ATRNL1: variants seen among roughly 807,000 people sequenced by gnomAD.
The protein encoded by ATRNL1 is attractin like 1, also known as attractin-like protein 1.
In ATRNL1, 95 loss-of-function variants were observed where a neutral mutation model predicts 182.7. The observed-to-expected ratio is 0.52, with a 90% CI of 0.44 to 0.62. The LOEUF (loss-of-function observed/expected upper bound fraction) is 0.62, where lower values mean the gene tolerates loss of function less well. ATRNL1 is among the 20% of genes least tolerant of loss of function. The probability of loss-of-function intolerance (pLI) is 0.00; values close to 1 mark genes in which losing one functional copy is unlikely to be tolerated. For synonymous variants in ATRNL1, 576 were observed against 568.3 expected, an observed-to-expected ratio of 1.01 and a Z score of -0.19; for missense variants, 1,471 against 1,679.5, an observed-to-expected ratio of 0.88 and a Z score of 2.17.
intron 26 of ATRNL1, among the ~76,000 whole-genome samples, chr10:115,621,272 T>TAGAGAGAGAGAGAG (rs1167604359): frequency 4.1e-5 from 2 of 48,452 alleles, no homozygotes; most frequent in Non-Finnish European, 4.7e-5. Flanking sequence ...TATATATATA[T>TAGAGAGAGAGAGAG]ATATAGAGAG....
intron 27 of ATRNL1, among the ~76,000 whole-genome samples, chr10:115,775,692 C>T (rs985086218): frequency 1.3e-5 from 2 of 152,094 alleles, no homozygotes; most frequent in Non-Finnish European, 2.9e-5. Context: ...CACGATGGCT[C>T]ATGCCTGTAA....
chr10:115,326,688 A>G (rs1854904979), intron 18 of ATRNL1, among the ~76,000 whole-genome samples: 1 of 151,950 alleles, frequency 6.6e-6, no homozygotes, highest in African/African-American at 2.4e-5. Flanking sequence ...AAACTATACT[A>G]CAAGGCTACA....
intron 26 of ATRNL1, among the ~76,000 whole-genome samples, chr10:115,625,102 C>G (rs1555024266): frequency 6.6e-6 from 1 of 152,030 alleles, no homozygotes; most frequent in Non-Finnish European, 1.5e-5. Flanking sequence ...TCCCTAAAAG[C>G]CAAATAAGAT....
intron 26 of ATRNL1, among the ~76,000 whole-genome samples, chr10:115,673,731 G>T (rs1945772915): frequency 6.6e-6 from 1 of 151,980 alleles, no homozygotes; most frequent in African/African-American, 2.4e-5. Flanking sequence ...ATGTGACTTT[G>T]CTCCTTCCCC....
At chr10:115,448,272 C>T (rs1165406653) in intron 21 of ATRNL1, among the ~76,000 whole-genome samples, 2 of 152,080 alleles carry the variant, frequency 1.3e-5, no homozygotes, top group South Asian at 2.1e-4. Flanking sequence ...ACCCTAAACT[C>T]GAATATCAAC....
intron 28 of ATRNL1, among the ~76,000 whole-genome samples, chr10:115,887,200 T>G (rs1951966825): frequency 6.6e-6 from 1 of 152,186 alleles, no homozygotes; most frequent in South Asian, 2.1e-4. Flanking sequence ...GAACTAGACC[T>G]GGAGGTCGAC....
At chr10:115,910,623 G>A (rs1295317354) in intron 28 of ATRNL1, among the ~76,000 whole-genome samples, 2 of 151,940 alleles carry the variant, frequency 1.3e-5, no homozygotes, top group Non-Finnish European at 2.9e-5. Context: ...GCACTATACA[G>A]GATATATATG....
chr10:115,307,551 T>A (rs1364007278), intron 17 of ATRNL1, among the ~76,000 whole-genome samples: 15 of 152,132 alleles, frequency 9.9e-5, no homozygotes, highest in Non-Finnish European at 5.9e-5. Flanking sequence ...TGTGAGCTAC[T>A]GCGCCCGGCC....
chr10:115,216,395 C>T (rs528049602), intron 9 of ATRNL1, among the ~76,000 whole-genome samples: 1 of 152,224 alleles, frequency 6.6e-6, no homozygotes, highest in East Asian at 1.9e-4. Flanking sequence ...TGTCCCTGAT[C>T]CTTCATGTTC....
chr10:115,604,409 A>G (rs1856768627), intron 26 of ATRNL1, among the ~76,000 whole-genome samples: 1 of 151,948 alleles, frequency 6.6e-6, no homozygotes, highest in Non-Finnish European at 1.5e-5. Flanking sequence ...CAAAGACTCC[A>G]CTCTAGCTGG....
chr10:115,194,208 G>A (rs1554890505), intron 8 of ATRNL1, among the ~76,000 whole-genome samples: 1 of 151,878 alleles, frequency 6.6e-6, no homozygotes, highest in East Asian at 1.9e-4. Context: ...ATGTCTATTT[G>A]GTCTGTAGTG....
At chr10:115,213,792 T>C (rs1317509905) in intron 8 of ATRNL1, among the ~76,000 whole-genome samples, 1 of 152,132 alleles carries the variant, frequency 6.6e-6, no homozygotes, top group Non-Finnish European at 1.5e-5. Flanking sequence ...ATGAGATAGT[T>C]ACTGAGAACT....
rs550697399 is a variant in ATRNL1 at position 115,307,948 on chromosome 10, G to A, written c.2818+5905G>A. 2.7e-5 allele frequency among the ~76,000 whole-genome samples: 4 copies of A among 150,364 alleles called. No homozygotes were observed. The East Asian group carries it at 5.9e-4, about 22-fold the overall frequency. ...TTTACATTATCGTTTTCTACTACAC[G>A]TCTATTCATTTAACATTTGAGTCTT... On this transcript the variant is annotated intron_variant, in intron 17 of 28. Coordinates refer to ENST00000355044, the MANE Select transcript of ATRNL1 (RefSeq NM_207303.4).
intron 5 of ATRNL1, among the ~76,000 whole-genome samples, chr10:115,134,207 A>T (rs192868578): frequency 5.3e-5 from 8 of 152,218 alleles, no homozygotes; most frequent in Non-Finnish European, 1.0e-4. Flanking sequence ...ACTGAAGGAG[A>T]TAGAGACACA....
intron 26 of ATRNL1, among the ~76,000 whole-genome samples, chr10:115,689,518 A>C (rs556039405): frequency 4.6e-5 from 7 of 152,114 alleles, no homozygotes; most frequent in African/African-American, 1.7e-4. Flanking sequence ...TTATGTTGCT[A>C]TGCCCATATT....
chr10:115,159,833 C>T (rs529634000), intron 5 of ATRNL1, among the ~76,000 whole-genome samples: 8 of 151,318 alleles, frequency 5.3e-5, no homozygotes, highest in South Asian at 2.1e-4. Flanking sequence ...CATCCAAGTC[C>T]GATTGTGAGT....
At chr10:115,184,218 T>C (rs1209410262) in intron 8 of ATRNL1, among the ~76,000 whole-genome samples, 1 of 151,494 alleles carries the variant, frequency 6.6e-6, no homozygotes, top group Non-Finnish European at 1.5e-5. Context: ...AAAATGGGAA[T>C]GGATGGCTAC....
chr10:115,708,957 G>C (rs552618051), intron 26 of ATRNL1, among the ~76,000 whole-genome samples: 2 of 151,606 alleles, frequency 1.3e-5, no homozygotes, highest in African/African-American at 4.8e-5. Context: ...CAATGAATTG[G>C]GAAAATAAAT....
At chr10:115,262,861 C>T (rs1336326561) in intron 10 of ATRNL1, among the ~76,000 whole-genome samples, 4 of 151,920 alleles carry the variant, frequency 2.6e-5, no homozygotes, top group African/African-American at 9.7e-5. Context: ...TCTGATAGAA[C>T]TACATGTTGT....
Sources: gnomAD v4.1 joint callset for allele counts (sites outside exome capture counted in the v4.1 genomes callset) on GRCh38, gnomAD v4.1.1 for gene constraint, MANE v1.5 for transcripts, NCBI Gene and HGNC (gene_info 2026-07-23, HGNC 2026-07-21) for gene names.